The following NAV3 variants were observed in gnomAD, a reference collection of about 807,000 sequenced individuals.
The protein encoded by NAV3 is pore membrane and/or filament interacting like protein 1.
NAV3 carries 87 observed loss-of-function variants against 244.7 expected under a neutral mutation model. The observed-to-expected ratio is 0.36, with a 90% confidence interval of 0.30 to 0.42. NAV3 has a LOEUF of 0.42. NAV3 is among the 20% of genes least tolerant of loss of function. The pLI is 1.00. For missense variants in NAV3, 2,663 were observed against 2,893.3 expected (o/e 0.92, Z 1.83); for synonymous variants, 1,126 against 1,042.2 (o/e 1.08, Z -1.55).
At chr12:77,999,089 C>T (rs1872805224) in intron 7 of NAV3, among the ~76,000 whole-genome samples, 1 of 152,048 alleles carries the variant, frequency 6.6e-6, no homozygotes, top group South Asian at 2.1e-4. Context: ...AATCATAAGC[C>T]ACACAGTTCT....
At position 78,122,042 on chromosome 12, in the gene NAV3, G is replaced by A. The variant is rs746111438; in HGVS notation, c.3852G>A (p.Arg1284=). Residue 1284 remains arginine (R), a synonymous_variant, in exon 16 of 40, where the codon CGG becomes CGA. Coordinates refer to ENST00000397909, the MANE Select transcript of NAV3 (RefSeq NM_001024383.2). ...CCAGCCCTAGTACCACATTAGCGCG[G>A]CAAGGCAGTCTGGAGTCACCGTCGT... is the stretch of plus-strand genomic sequence containing the variant. ...VMPSPSTTLA[R]QGSLESPSSG... 6.2e-7 allele frequency: 1 copy of A among 1,614,196 alleles called. No individual in the cohort carries two copies. The highest frequency in any genetic ancestry group is 8.5e-7 in the Non-Finnish European group (1 of 1,180,038).
chr12:77,967,081 G>A (rs1487515546), intron 4 of NAV3, among the ~76,000 whole-genome samples: 1 of 152,008 alleles, frequency 6.6e-6, no homozygotes, highest in Non-Finnish European at 1.5e-5. Context: ...AACCTAACTG[G>A]TAGTTCTGTA....
chr12:78,203,204 T>C (rs529696298), intron 38 of NAV3, among the ~76,000 whole-genome samples: 10 of 152,222 alleles, frequency 6.6e-5, no homozygotes, highest in South Asian at 2.1e-4. Context: ...CTCGGAAATA[T>C]AGTGTTTGGC....
At chr12:77,592,696 C>G (rs777490442) in intron 2 of NAV3, among the ~76,000 whole-genome samples, 1 of 152,168 alleles carries the variant, frequency 6.6e-6, no homozygotes, top group African/African-American at 2.4e-5. Context: ...TTTTCACGTA[C>G]GCTAAATTGC....
intron 2 of NAV3, among the ~76,000 whole-genome samples, chr12:77,619,717 G>A (rs1459353119): frequency 6.6e-6 from 1 of 152,000 alleles, no homozygotes; most frequent in African/African-American, 2.4e-5. Flanking sequence ...GAGTTGTCAT[G>A]GTGTGAATTA....
chr12:78,147,646 C>T (rs1188159123), intron 21 of NAV3, among the ~76,000 whole-genome samples: 1 of 150,296 alleles, frequency 6.7e-6, no homozygotes, highest in Admixed American at 6.6e-5. Context: ...AGTAGAATCA[C>T]ATTTGGTGAA....
At chr12:78,179,361 A>G in intron 28 of NAV3, 168 bp from the exon 29 acceptor site, 1 of 624,502 alleles carries the variant, frequency 1.6e-6, no homozygotes, top group Non-Finnish European at 2.6e-6. Flanking sequence ...GAACCTGTGA[A>G]TGCATAACCG....
chr12:77,876,733 GT>G (rs1175493204), intron 1 of NAV3, among the ~76,000 whole-genome samples: 1 of 152,022 alleles, frequency 6.6e-6, no homozygotes. Flanking sequence ...GAGTCTTTCA[GT>G]TTACTGTGAA....
chr12:77,717,124 G>A, intron 2 of NAV3, among the ~76,000 whole-genome samples: 1 of 151,974 alleles, frequency 6.6e-6, no homozygotes, highest in East Asian at 1.9e-4. Context: ...TTCTATTGGG[G>A]TAAAAACCAT....
intron 2 of NAV3, among the ~76,000 whole-genome samples, chr12:77,724,093 A>C (rs952713179): frequency 1.3e-5 from 2 of 151,966 alleles, no homozygotes; most frequent in African/African-American, 4.8e-5. Context: ...GATAAAGTAT[A>C]TAACATATTC....
chr12:78,198,728 G>T (rs773685639), intron 36 of NAV3, 52 bp downstream of exon 36: 6 of 1,023,636 alleles, frequency 5.9e-6, no homozygotes, highest in South Asian at 4.2e-5. Context: ...TTGTGTTGGG[G>T]GGGGCAGGGG....
At chr12:77,774,819 A>C (rs113561570) in intron 2 of NAV3, among the ~76,000 whole-genome samples, 1 of 152,214 alleles carries the variant, frequency 6.6e-6, no homozygotes, top group Admixed American at 6.5e-5. Context: ...CTTAAAATAC[A>C]GTTTTTTGAA....
intron 1 of NAV3, among the ~76,000 whole-genome samples, chr12:77,843,663 A>G (rs1204281522): frequency 1.3e-5 from 2 of 152,092 alleles, no homozygotes; most frequent in Non-Finnish European, 2.9e-5. Context: ...CAGATTTTAA[A>G]CAATCATAGC....
At chr12:77,702,369 G>C (rs191047455) in intron 2 of NAV3, among the ~76,000 whole-genome samples, 1 of 151,998 alleles carries the variant, frequency 6.6e-6, no homozygotes, top group African/African-American at 2.4e-5. Flanking sequence ...TCTCGCAGAG[G>C]ATATAGTTGG....
At chr12:77,968,018 A>G (rs1038798049) in intron 4 of NAV3, among the ~76,000 whole-genome samples, 6 of 152,204 alleles carry the variant, frequency 3.9e-5, no homozygotes, top group African/African-American at 4.8e-5. Context: ...GGTGATTTAG[A>G]AAGAAAGTTG....
At chr12:77,925,116 GA>G (rs112748444) in intron 1 of NAV3, among the ~76,000 whole-genome samples, 5 of 151,518 alleles carry the variant, frequency 3.3e-5, no homozygotes, top group African/African-American at 9.7e-5. Context: ...GAAAGGTTGG[GA>G]AAAAAAACAA....
chr12:77,958,012 A>G (rs978674207), intron 3 of NAV3, among the ~76,000 whole-genome samples: 6 of 152,198 alleles, frequency 3.9e-5, no homozygotes, highest in Non-Finnish European at 5.9e-5. Context: ...TGTCAAGAAC[A>G]CGTGTTAACT....
chr12:78,065,485 G>A lies in NAV3; in HGVS notation c.2636+6370G>A, dbSNP rs534092645. Reference sequence around the variant, plus strand: ...AGCATTGAAAGAGTGAATAAAGGAAGAACAACCATTGGAGAGACAGAGAAA... The same window carrying A: ...AGCATTGAAAGAGTGAATAAAGGAAAAACAACCATTGGAGAGACAGAGAAA... On this transcript the variant is annotated intron_variant, in intron 12 of 39. Coordinates refer to ENST00000397909, the MANE Select transcript of NAV3 (RefSeq NM_001024383.2). Among the ~76,000 whole-genome samples, 4 of 152,238 alleles carry A rather than the reference G, an allele frequency of 2.6e-5. No homozygotes were observed. In the South Asian group the frequency reaches 6.2e-4, roughly 24 times the overall value.
chr12:77,778,246 C>T (rs7964512), intron 2 of NAV3, among the ~76,000 whole-genome samples: 1 of 143,444 alleles, frequency 7.0e-6, no homozygotes, highest in Non-Finnish European at 1.5e-5. Flanking sequence ...TTTCCTCCCC[C>T]CCGCCCCCCG....
Sources: gnomAD v4.1 joint callset for allele counts (sites outside exome capture counted in the v4.1 genomes callset) on GRCh38, gnomAD v4.1.1 for gene constraint, MANE v1.5 for transcripts, NCBI Gene and HGNC (gene_info 2026-07-23, HGNC 2026-07-21) for gene names.